PTPRG: variants seen among roughly 807,000 people sequenced by gnomAD.
The protein encoded by PTPRG is protein tyrosine phosphatase receptor type G.
In PTPRG, 102 loss-of-function variants were observed where a neutral mutation model predicts 165.3. That is an observed-to-expected ratio of 0.62 (90% CI 0.53 to 0.73). The LOEUF is 0.73. PTPRG is among the 30% of genes least tolerant of loss of function. The pLI is 0.00. For missense variants in PTPRG, 1,866 were observed against 1,861.4 expected, an observed-to-expected ratio of 1.00 and a Z score of -0.05; for synonymous variants, 675 against 669.5, an observed-to-expected ratio of 1.01 and a Z score of -0.13.
chr3:61,612,886 TGTGC>T (rs1167593597), intron 1 of PTPRG, among the ~76,000 whole-genome samples: 10 of 122,366 alleles, frequency 8.2e-5, no homozygotes, highest in Non-Finnish European at 1.6e-4. Context: ...TGTGTGTGTG[TGTGC>T]GCACTTGTAA....
At chr3:61,740,498 A>AGAGG (rs2032933454) in intron 1 of PTPRG, among the ~76,000 whole-genome samples, 1 of 152,176 alleles carries the variant, frequency 6.6e-6, no homozygotes, top group Admixed American at 6.5e-5. Context: ...AGTTAATGGC[A>AGAGG]GAGGAATGAC....
intron 4 of PTPRG, among the ~76,000 whole-genome samples, chr3:62,005,263 T>A (rs1156445237): frequency 6.6e-6 from 1 of 152,218 alleles, no homozygotes; most frequent in East Asian, 1.9e-4. Context: ...CTTAATTGGT[T>A]CTCTTCCACC....
At chr3:62,125,425 G>T (rs897071383) in intron 5 of PTPRG, among the ~76,000 whole-genome samples, 2 of 152,194 alleles carry the variant, frequency 1.3e-5, no homozygotes, top group Non-Finnish European at 1.5e-5. Context: ...TGCTTCCAGG[G>T]AATGAAAAAA....
intron 2 of PTPRG, among the ~76,000 whole-genome samples, chr3:61,911,597 C>G (rs1304855115): frequency 1.3e-5 from 2 of 152,070 alleles, no homozygotes; most frequent in African/African-American, 2.4e-5. Context: ...CATGTCATTA[C>G]CTTAAATGTC....
chr3:62,255,242 TC>T lies in PTPRG; in HGVS notation c.2559+29del. The stretch of plus-strand genomic sequence containing the variant: ...TATGTTTCAAGGCTGGAAGTTAACT[TC>T]CAGAAACCTAAGTCTTACTTTATGC... On this transcript the variant is annotated intron_variant, in intron 16 of 29. Transcript: ENST00000474889. The surrounding 1 kb of genome is among the most constrained non-coding windows in gnomAD (Gnocchi z 4.0). 6.4e-7 allele frequency: 1 copy of T among 1,557,400 alleles called. No individual in the cohort carries two copies. The highest frequency in any genetic ancestry group is 8.8e-7 in the Non-Finnish European group (1 of 1,134,506).
Position 61,581,609 on chromosome 3 carries a change from C to CT in PTPRG, c.85+19255dup, listed in dbSNP as rs138750100. Among the ~76,000 whole-genome samples the CT allele has an allele frequency of 1.9e-3, 260 of 137,092 alleles. 2 individuals are homozygous for CT. Among genetic ancestry groups the CT allele is most frequent in the South Asian group, 0.01 (43 of 4,242 alleles). The allele number at this position is 137,092 out of a possible 152,430, so 89.9% of individuals were successfully genotyped here. A position where few individuals can be genotyped will look rare whatever the true frequency, so the allele number is the denominator to read the frequency against. On this transcript the variant is annotated intron_variant, in intron 1 of 29. Transcript: ENST00000474889. ...AGAACCCATGGTTGCTTCTTTTTTT[C>CT]TTTTTTTTTTTTTTTTTTATGAGAC... is the stretch of plus-strand genomic sequence containing the variant.
chr3:62,005,385 G>C lies in PTPRG; in HGVS notation c.519+1888G>C, dbSNP rs2041271808. 2.0e-5 allele frequency among the ~76,000 whole-genome samples: 3 copies of C among 152,144 alleles called. No homozygotes were observed. In the South Asian group the frequency reaches 6.2e-4, roughly 32 times the overall value. ...TTCTTAAGTGTAGGATTTTCCTTCT[G>C]GTCTTGCTGACAGGTTCCCATTGGC... On this transcript the variant is annotated intron_variant, in intron 4 of 29. Transcript: ENST00000474889.
chr3:62,267,634 G>C, intron 18 of PTPRG, 51 bp from the exon 19 acceptor site: 2 of 1,591,512 alleles, frequency 1.3e-6, no homozygotes, highest in African/African-American at 2.7e-5. Flanking sequence ...TTATTGACTG[G>C]TCTTCTGTGA....
At chr3:62,152,779 A>T (rs1017111005) in intron 6 of PTPRG, among the ~76,000 whole-genome samples, 2 of 152,004 alleles carry the variant, frequency 1.3e-5, no homozygotes, top group African/African-American at 4.8e-5. Context: ...AATTCCCCCC[A>T]CCCCACAGGT....
intron 4 of PTPRG, among the ~76,000 whole-genome samples, chr3:62,070,605 G>A (rs1701177134): frequency 6.6e-6 from 1 of 152,242 alleles, no homozygotes; most frequent in Non-Finnish European, 1.5e-5. Flanking sequence ...TTAGAGTGTA[G>A]TGTGTTGAGT....
intron 2 of PTPRG, among the ~76,000 whole-genome samples, chr3:61,868,273 C>T (rs1232336356): frequency 6.6e-6 from 1 of 152,228 alleles, no homozygotes; most frequent in Non-Finnish European, 1.5e-5. Flanking sequence ...ATCAGAGTTT[C>T]AGGTATCTTT....
chr3:62,064,141 G>A (rs1179219986), intron 4 of PTPRG, among the ~76,000 whole-genome samples: 2 of 149,544 alleles, frequency 1.3e-5, no homozygotes, highest in South Asian at 2.1e-4. Context: ...CTTTTTTTCC[G>A]ATGAGCTACA....
intron 2 of PTPRG, among the ~76,000 whole-genome samples, chr3:61,842,782 G>A (rs2036679715): frequency 6.6e-6 from 1 of 151,860 alleles, no homozygotes; most frequent in Admixed American, 6.6e-5. Flanking sequence ...TTCCCAGTTA[G>A]ATGGGGATGG....
intron 4 of PTPRG, among the ~76,000 whole-genome samples, chr3:62,077,872 G>A (rs773354321): frequency 5.9e-5 from 9 of 151,954 alleles, no homozygotes; most frequent in Non-Finnish European, 1.3e-4. Context: ...CATGATGGCA[G>A]TTGCCTGTAA....
intron 2 of PTPRG, among the ~76,000 whole-genome samples, chr3:61,988,803 C>T (rs747212161): frequency 1.7e-4 from 26 of 152,150 alleles, no homozygotes; most frequent in Non-Finnish European, 3.4e-4. Flanking sequence ...CTGTAGTCAA[C>T]GTAATAGAAA....
chr3:61,903,473 A>G (rs541732613), intron 2 of PTPRG, among the ~76,000 whole-genome samples: 1 of 152,284 alleles, frequency 6.6e-6, no homozygotes, highest in African/African-American at 2.4e-5. Context: ...TCTCGGGTTC[A>G]GGTGATTCTC....
intron 4 of PTPRG, among the ~76,000 whole-genome samples, chr3:62,049,699 A>C (rs1349323618): frequency 6.6e-6 from 1 of 152,194 alleles, no homozygotes; most frequent in Non-Finnish European, 1.5e-5. Flanking sequence ...AGACATGTAT[A>C]ATATCTTACG....
chr3:61,917,150 G>A (rs2038960343), intron 2 of PTPRG, among the ~76,000 whole-genome samples: 1 of 152,096 alleles, frequency 6.6e-6, no homozygotes, highest in Non-Finnish European at 1.5e-5. Flanking sequence ...GAGACAATAT[G>A]AATCTGTACG....
intron 2 of PTPRG, among the ~76,000 whole-genome samples, chr3:61,983,131 G>A (rs1402011895): frequency 6.6e-6 from 1 of 152,152 alleles, no homozygotes; most frequent in African/African-American, 2.4e-5. Flanking sequence ...ATAGTGGCAA[G>A]CAGTAATATG....
Sources: gnomAD v4.1 joint callset for allele counts (sites outside exome capture counted in the v4.1 genomes callset) on GRCh38, gnomAD v4.1.1 for gene constraint, Gnocchi (gnomAD v3.1) non-coding constraint, MANE v1.5 for transcripts, NCBI Gene and HGNC (gene_info 2026-07-23, HGNC 2026-07-21) for gene names.